The following NHSL1 variants were observed in gnomAD, a reference collection of about 807,000 sequenced individuals.
The protein encoded by NHSL1 is NHS-like protein 1.
Under a neutral mutation model 95.0 loss-of-function variants are expected in NHSL1, and 48 were observed. The ratio of observed to expected loss-of-function variants is 0.51; its 90% CI spans 0.40 to 0.64. NHSL1 has a LOEUF of 0.64. NHSL1 is among the 30% of genes least tolerant of loss of function. The probability of loss-of-function intolerance (pLI) is 0.00; values close to 1 mark genes in which losing one functional copy is unlikely to be tolerated. For synonymous variants in NHSL1, 783 were observed against 833.9 expected (o/e 0.94, Z 1.05); for missense variants, 1,971 against 2,077.7 (o/e 0.95, Z 1.00).
chr6:138,457,382 G>C (rs1777685817), intron 3 of NHSL1, among the ~76,000 whole-genome samples: 1 of 151,964 alleles, frequency 6.6e-6, no homozygotes, highest in South Asian at 2.1e-4. Context: ...ATAACACATA[G>C]AGTCCTACTT....
At chr6:138,667,405 A>G (rs1364428905) in intron 1 of NHSL1, among the ~76,000 whole-genome samples, 1 of 152,238 alleles carries the variant, frequency 6.6e-6, no homozygotes, top group Non-Finnish European at 1.5e-5. Context: ...ATTTTTATAC[A>G]TGATACCATA....
intron 1 of NHSL1, among the ~76,000 whole-genome samples, chr6:138,690,727 A>G (rs1304784077): frequency 6.6e-6 from 1 of 152,184 alleles, no homozygotes; most frequent in East Asian, 1.9e-4. Flanking sequence ...GAAGACAGGT[A>G]TGAAATCACA....
chr6:138,450,769 C>A (rs138565032), intron 3 of NHSL1, among the ~76,000 whole-genome samples: 2 of 152,300 alleles, frequency 1.3e-5, no homozygotes, highest in East Asian at 3.9e-4. Flanking sequence ...TTAGGTCTCA[C>A]AATCTACTAG....
intron 1 of NHSL1, among the ~76,000 whole-genome samples, chr6:138,609,749 C>CAAAAAAAAAAAAAAA (rs10687521): frequency 3.8e-5 from 4 of 106,248 alleles, no homozygotes; most frequent in African/African-American, 1.4e-4. Flanking sequence ...GACTCTGTCT[C>CAAAAAAAAAAAAAAA]AAAAAAAAAA....
chr6:138,557,615 C>T (rs1050503775), intron 1 of NHSL1, among the ~76,000 whole-genome samples: 5 of 152,222 alleles, frequency 3.3e-5, no homozygotes, highest in South Asian at 2.1e-4. Context: ...CAGGGCATCA[C>T]CAGGTCCAAT....
chr6:138,582,916 C>A (rs1033652887), intron 1 of NHSL1, among the ~76,000 whole-genome samples: 1 of 152,198 alleles, frequency 6.6e-6, no homozygotes, highest in African/African-American at 2.4e-5. Context: ...ACTACTGCTG[C>A]CTCCCAAACT....
At chr6:138,468,257 T>C (rs1190092112) in intron 3 of NHSL1, among the ~76,000 whole-genome samples, 1 of 152,230 alleles carries the variant, frequency 6.6e-6, no homozygotes, top group East Asian at 1.9e-4. Flanking sequence ...ATTTTTATTG[T>C]GCCTTTCCTA....
At chr6:138,568,948 C>T (rs1194800542) in intron 1 of NHSL1, among the ~76,000 whole-genome samples, 1 of 152,134 alleles carries the variant, frequency 6.6e-6, no homozygotes, top group African/African-American at 2.4e-5. Flanking sequence ...CATAGAAATT[C>T]CCTATTAAAA....
rs558150242 is a variant in NHSL1 at position 138,552,168 on chromosome 6, C to T, written c.202+19542G>A. ...GGGCATGGTGGCTCATGCCTGTAAT[C>T]CCAGCACTTTGGGAGGCCGAGGCAG... On this transcript the variant is annotated intron_variant, in intron 1 of 6. Transcript: ENST00000427025. 2.3e-3 allele frequency among the ~76,000 whole-genome samples: 353 copies of T among 152,286 alleles called. 1 individual carries two copies. Among genetic ancestry groups the T allele is most frequent in the African/African-American group, 8.0e-3 (332 of 41,562 alleles).
At chr6:138,458,873 C>T (rs902844263) in intron 3 of NHSL1, among the ~76,000 whole-genome samples, 15 of 150,990 alleles carry the variant, frequency 9.9e-5, no homozygotes, top group Admixed American at 6.6e-5. Flanking sequence ...AATCTACTCA[C>T]GTTTTTATTG....
At chr6:138,532,038 C>A (rs1176247238) in intron 1 of NHSL1, among the ~76,000 whole-genome samples, 1 of 152,116 alleles carries the variant, frequency 6.6e-6, no homozygotes, top group African/African-American at 2.4e-5. Context: ...GGGTTACTAA[C>A]CAGCATTGGA....
intron 2 of NHSL1, among the ~76,000 whole-genome samples, chr6:138,476,777 A>G (rs1562309910): frequency 1.3e-5 from 2 of 152,006 alleles, no homozygotes; most frequent in Admixed American, 6.6e-5. Flanking sequence ...AGTGAGCCCA[A>G]GATCATGCTA....
intron 1 of NHSL1, among the ~76,000 whole-genome samples, chr6:138,588,769 T>C (rs80063061): frequency 0.022 from 3,279 of 152,346 alleles, 51 homozygotes; most frequent in East Asian, 0.082. Context: ...CTTTCTTATA[T>C]TACAACATTA....
intron 1 of NHSL1, among the ~76,000 whole-genome samples, chr6:138,552,280 A>G (rs915145437): frequency 6.6e-5 from 10 of 152,102 alleles, no homozygotes; most frequent in African/African-American, 2.4e-4. Flanking sequence ...TTAGCTGGGC[A>G]TAGTGGTGCA....
intron 1 of NHSL1, among the ~76,000 whole-genome samples, chr6:138,640,423 A>G (rs1471749558): frequency 6.6e-6 from 1 of 152,180 alleles, no homozygotes; most frequent in Non-Finnish European, 1.5e-5. Context: ...TTTGAAGTAC[A>G]TGGGCCCACA....
chr6:138,601,209 C>T (rs1012500691), intron 1 of NHSL1, among the ~76,000 whole-genome samples: 1 of 152,190 alleles, frequency 6.6e-6, no homozygotes, highest in African/African-American at 2.4e-5. Context: ...TTTGATTATA[C>T]TCCCTGGCCT....
At chr6:138,625,999 C>T (rs1037149582) in intron 1 of NHSL1, among the ~76,000 whole-genome samples, 1 of 152,216 alleles carries the variant, frequency 6.6e-6, no homozygotes, top group Non-Finnish European at 1.5e-5. Flanking sequence ...CAATGGAAAA[C>T]TACTGTTGAG....
chr6:138,661,301 T>C (rs1194930477), intron 1 of NHSL1, among the ~76,000 whole-genome samples: 1 of 152,054 alleles, frequency 6.6e-6, no homozygotes, highest in Non-Finnish European at 1.5e-5. Context: ...CTCCAGCCCC[T>C]GGTAACACCA....
chr6:138,527,313 C>A (rs954886680), intron 1 of NHSL1, among the ~76,000 whole-genome samples: 1 of 151,816 alleles, frequency 6.6e-6, no homozygotes, highest in South Asian at 2.1e-4. Flanking sequence ...TTTAGAGGAT[C>A]GCTCTGAGTT....
Sources: allele counts gnomAD v4.1 joint callset (sites outside exome capture counted in the v4.1 genomes callset), GRCh38; gene constraint gnomAD v4.1.1; transcripts MANE v1.5; gene names NCBI Gene and HGNC (gene_info 2026-07-23, HGNC 2026-07-21).